Variants in SGCD observed in about 807,000 individuals in gnomAD.
SGCD encodes the protein delta-sarcoglycan.
A neutral mutation model predicts 36.6 loss-of-function variants in SGCD; 18 were observed. That is an observed-to-expected ratio of 0.49 (90% CI 0.34 to 0.73). SGCD has a LOEUF of 0.73. Ranked by LOEUF, SGCD falls within the 30% of genes least tolerant of loss-of-function variation. SGCD has a pLI of 0.01. For missense variants in SGCD, 387 were observed against 346.7 expected, an observed-to-expected ratio of 1.12 and a Z score of -0.92; for synonymous variants, 133 against 130.6, an observed-to-expected ratio of 1.02 and a Z score of -0.12.
chr5:156,704,264 T>C (rs1168751290), intron 7 of SGCD: 1 of 152,150 alleles, frequency 6.6e-6, no homozygotes, highest in Non-Finnish European at 1.5e-5. Context: ...TATCCTATCA[T>C]TTCATTCATC....
chr5:156,204,379 T>C (rs1468013759), intron 3 of SGCD, among the ~76,000 whole-genome samples: 1 of 152,014 alleles, frequency 6.6e-6, no homozygotes. Flanking sequence ...GTGTGTATAT[T>C]GTTATATGCT....
chr5:156,233,360 C>T (rs1210965957), intron 3 of SGCD, among the ~76,000 whole-genome samples: 1 of 152,216 alleles, frequency 6.6e-6, no homozygotes, highest in African/African-American at 2.4e-5. Context: ...CGGGAATTCT[C>T]TAACTGTAGC....
the SGCD span, among the ~76,000 whole-genome samples, chr5:155,732,065 TC>T: frequency 2.6e-5 from 4 of 152,222 alleles, no homozygotes; most frequent in Non-Finnish European, 4.4e-5. Context: ...GCCTCATTAA[TC>T]ACAGTAGTTC....
At chr5:155,804,767 T>G in the SGCD span, among the ~76,000 whole-genome samples, 4 of 152,246 alleles carry the variant, frequency 2.6e-5, no homozygotes, top group African/African-American at 9.6e-5. Context: ...TTGGTTGTGC[T>G]TTTATTCCTC....
At chr5:156,448,999 C>G (rs1044299532) in intron 3 of SGCD, among the ~76,000 whole-genome samples, 3 of 152,020 alleles carry the variant, frequency 2.0e-5, no homozygotes, top group Admixed American at 1.3e-4. Flanking sequence ...AGTGATCCAC[C>G]CACCTCAGCT....
chr5:156,498,935 CGT>C (rs71577198), intron 3 of SGCD, among the ~76,000 whole-genome samples: 1,609 of 149,242 alleles, frequency 0.011, 15 homozygotes, highest in African/African-American at 0.03. Flanking sequence ...ATGTGTGCTA[CGT>C]GTGTGTGTGT....
At chr5:156,565,550 CAGTTTTTTTATTATACTTTA>C (rs1759444571) in intron 4 of SGCD, among the ~76,000 whole-genome samples, 1 of 151,926 alleles carries the variant, frequency 6.6e-6, no homozygotes, top group African/African-American at 2.4e-5. Flanking sequence ...TGCATAAATT[CAGTTTTTTTATTATACTTTA>C]AGTTCTGGGA....
intron 1 of SGCD, among the ~76,000 whole-genome samples, chr5:155,922,220 A>T (rs1344750737): frequency 1.3e-5 from 2 of 152,136 alleles, no homozygotes; most frequent in Admixed American, 1.3e-4. Flanking sequence ...GGTTTACAAG[A>T]CAAGGTCTTT....
At chr5:155,939,194 A>T (rs1757275068) in intron 1 of SGCD, among the ~76,000 whole-genome samples, 1 of 152,238 alleles carries the variant, frequency 6.6e-6, no homozygotes, top group Admixed American at 6.5e-5. Flanking sequence ...TTGCTAAGAG[A>T]ATAGGTTTTA....
intron 1 of SGCD, among the ~76,000 whole-genome samples, chr5:156,002,278 G>A (rs1399368724): frequency 6.6e-6 from 1 of 152,198 alleles, no homozygotes; most frequent in Non-Finnish European, 1.5e-5. Flanking sequence ...GGCACAGGGA[G>A]ACGACACCCT....
intron 7 of SGCD, among the ~76,000 whole-genome samples, chr5:156,725,020 A>T (rs555720355): frequency 1.3e-5 from 2 of 152,352 alleles, no homozygotes; most frequent in African/African-American, 4.8e-5. Flanking sequence ...ACAGCATCAG[A>T]AATGGAATCC....
In SGCD at chr5:156,215,890, G is replaced by T. The variant is rs144276709; in HGVS notation, c.-44+91871G>T. On this transcript the variant is annotated intron_variant, in intron 3 of 9. Coordinates refer to the SGCD transcript ENST00000517913. ...TCAAAGATATAGCTGCACTTGCATG[G>T]TCATTGTAGTATTATTCACAACAGC... 4.5e-3 allele frequency among the ~76,000 whole-genome samples: 691 copies of T among 152,298 alleles called. 2 individuals are homozygous for T. Among genetic ancestry groups the T allele is most frequent in the Admixed American group, 8.4e-3 (128 of 15,300 alleles).
At chr5:156,036,972 C>T (rs1759514859) in intron 1 of SGCD, among the ~76,000 whole-genome samples, 1 of 152,134 alleles carries the variant, frequency 6.6e-6, no homozygotes, top group Non-Finnish European at 1.5e-5. Context: ...CCTCATGCCA[C>T]TTACAGTTTA....
chr5:156,288,155 A>C (rs1211057796), intron 3 of SGCD, among the ~76,000 whole-genome samples: 2 of 152,188 alleles, frequency 1.3e-5, no homozygotes, highest in Non-Finnish European at 2.9e-5. Context: ...GTCAGAAAAT[A>C]GTTTGGAAAT....
chr5:155,976,099 T>C (rs1224769760), intron 1 of SGCD, among the ~76,000 whole-genome samples: 1 of 152,186 alleles, frequency 6.6e-6, no homozygotes, highest in Non-Finnish European at 1.5e-5. Flanking sequence ...TGGACATTTA[T>C]ATATGCAGTG....
Position 156,088,865 on chromosome 5 carries a change from G to C in SGCD, c.-281-29013G>C, listed in dbSNP as rs1368423710. 2.0e-5 allele frequency among the ~76,000 whole-genome samples: 3 copies of C among 152,114 alleles called. No individual in the cohort carries two copies. In the East Asian group the frequency reaches 5.8e-4, roughly 29 times the overall value. ...CAAGCAGCCTCCTCTGTGGGGTCAA[G>C]CTAGGGTGAAGCCACCTTTATTTCA... On this transcript the variant is annotated intron_variant, in intron 1 of 9. Transcript: ENST00000517913.
At chr5:156,533,376 G>T (rs1194722146) in intron 4 of SGCD, among the ~76,000 whole-genome samples, 1 of 152,124 alleles carries the variant, frequency 6.6e-6, no homozygotes, top group Non-Finnish European at 1.5e-5. Context: ...AAGGACCCAT[G>T]TGTGAATTTA....
intron 1 of SGCD, among the ~76,000 whole-genome samples, chr5:156,030,173 G>T (rs894522926): frequency 6.6e-6 from 1 of 152,206 alleles, no homozygotes; most frequent in African/African-American, 2.4e-5. Context: ...TTGATTAGGG[G>T]TGATATGTAA....
At chr5:155,864,051 C>G in the SGCD span, among the ~76,000 whole-genome samples, 6 of 152,226 alleles carry the variant, frequency 3.9e-5, no homozygotes, top group South Asian at 1.2e-3. Flanking sequence ...GCCATGTGGG[C>G]TGCCCAAGGG....
Sources: gnomAD v4.1 joint callset for allele counts (sites outside exome capture counted in the v4.1 genomes callset) on GRCh38, gnomAD v4.1.1 for gene constraint, MANE v1.5 for transcripts, NCBI Gene and HGNC (gene_info 2026-07-23, HGNC 2026-07-21) for gene names.